KHDRBS2: variants seen among roughly 807,000 people sequenced by gnomAD.
KHDRBS2 encodes KH RNA binding domain containing, signal transduction associated 2.
KHDRBS2 carries 26 observed loss-of-function variants against 44.3 expected under a neutral mutation model. That is an observed-to-expected ratio of 0.59 (90% CI 0.43 to 0.81). The LOEUF is 0.81. KHDRBS2 is among the 40% of genes least tolerant of loss of function. The pLI, the probability that KHDRBS2 is intolerant of heterozygous loss-of-function variation, is 0.00. For synonymous variants in KHDRBS2, 194 were observed against 151.1 expected (o/e 1.28, Z -2.08); for missense variants, 476 against 433.1 (o/e 1.10, Z -0.88).
intron 2 of KHDRBS2, among the ~76,000 whole-genome samples, chr6:62,067,063 C>A (rs75225989): frequency 1.3e-5 from 2 of 151,326 alleles, no homozygotes; most frequent in African/African-American, 4.8e-5. Flanking sequence ...CAACAGCAAA[C>A]TGTTTAGTAT....
At chr6:61,720,775 T>C (rs1406947685) in intron 7 of KHDRBS2, among the ~76,000 whole-genome samples, 2 of 151,596 alleles carry the variant, frequency 1.3e-5, no homozygotes, top group Non-Finnish European at 3.0e-5. Context: ...AGAAGCTCTT[T>C]AGTTTAATTA....
intron 6 of KHDRBS2, among the ~76,000 whole-genome samples, chr6:61,755,958 T>A (rs1331530758): frequency 6.6e-6 from 1 of 152,196 alleles, no homozygotes; most frequent in Admixed American, 6.5e-5. Flanking sequence ...GGTCTTTCAC[T>A]TTTCAGTGAT....
intron 3 of KHDRBS2, among the ~76,000 whole-genome samples, chr6:61,984,118 C>T (rs1250434039): frequency 6.6e-6 from 1 of 152,118 alleles, no homozygotes; most frequent in Non-Finnish European, 1.5e-5. Flanking sequence ...AACACTTGCA[C>T]CTTCCATGCT....
intron 1 of KHDRBS2, among the ~76,000 whole-genome samples, chr6:62,186,889 C>A (rs1290730198): frequency 1.3e-5 from 2 of 151,890 alleles, no homozygotes; most frequent in South Asian, 2.1e-4. Flanking sequence ...TGTAGTCGTC[C>A]CATTTCGGTC....
rs147410348 is a variant in KHDRBS2, at chr6:62,052,512, G to A, written c.220-4518C>T. Reference sequence around the variant, plus strand: ...ATAAAATGTAGGAGATATGTAGGATGAACAAGTCTAGAGACAGAGTGTACA... The same window carrying A: ...ATAAAATGTAGGAGATATGTAGGATAAACAAGTCTAGAGACAGAGTGTACA... On this transcript the variant is annotated intron_variant, in intron 2 of 8. Transcript: ENST00000281156. 4.3e-3 allele frequency among the ~76,000 whole-genome samples: 654 copies of A among 150,590 alleles called. 8 individuals carry two copies. The highest frequency in any genetic ancestry group is 0.015 in the African/African-American group (618 of 41,006).
chr6:61,563,855 T>A, the KHDRBS2 span, among the ~76,000 whole-genome samples: 1,928 of 152,194 alleles, frequency 0.013, 44 homozygotes, highest in African/African-American at 0.045. Context: ...TGTGAAAAAG[T>A]GTTTTGAAGG....
chr6:61,648,216 T>A, the KHDRBS2 span, among the ~76,000 whole-genome samples: 2 of 152,122 alleles, frequency 1.3e-5, no homozygotes, highest in African/African-American at 4.8e-5. Context: ...TTTATGGAAC[T>A]AGGTGCCTTG....
the KHDRBS2 span, among the ~76,000 whole-genome samples, chr6:61,567,863 G>A: frequency 1.3e-5 from 2 of 151,792 alleles, no homozygotes; most frequent in South Asian, 4.2e-4. Context: ...TAGCCTTTTT[G>A]GATGTGAGGG....
the KHDRBS2 span, among the ~76,000 whole-genome samples, chr6:61,661,808 A>T: frequency 0.16 from 23,608 of 151,892 alleles, 2,289 homozygotes; most frequent in South Asian, 0.27. Flanking sequence ...ATATCGTGAA[A>T]ATGGCCATAC....
intron 1 of KHDRBS2, among the ~76,000 whole-genome samples, chr6:62,214,168 C>A (rs566055245): frequency 9.2e-5 from 14 of 152,058 alleles, no homozygotes; most frequent in Admixed American, 6.6e-4. Flanking sequence ...GAAAATCCAT[C>A]CATGGCAAAA....
chr6:62,147,632 A>G (rs1814227846), intron 2 of KHDRBS2, among the ~76,000 whole-genome samples: 1 of 152,006 alleles, frequency 6.6e-6, no homozygotes, highest in Non-Finnish European at 1.5e-5. Context: ...TTAAAATCCT[A>G]GAAATTGCCA....
chr6:61,700,648 C>T (rs1292593002), intron 7 of KHDRBS2, among the ~76,000 whole-genome samples: 1 of 151,506 alleles, frequency 6.6e-6, no homozygotes, highest in Non-Finnish European at 1.5e-5. Flanking sequence ...AGTTAGGACA[C>T]ATGGGATGTG....
At chr6:62,161,063 T>G (rs1214171726) in intron 2 of KHDRBS2, among the ~76,000 whole-genome samples, 1 of 152,118 alleles carries the variant, frequency 6.6e-6, no homozygotes, top group East Asian at 1.9e-4. Context: ...TATATAAGTG[T>G]AATCACACAG....
In KHDRBS2 at chr6:61,929,243, T is replaced by C. The variant is rs72882439; in HGVS notation, c.484-27872A>G. Among the ~76,000 whole-genome samples, 1,285 of 152,280 alleles carry C rather than the reference T, an allele frequency of 8.4e-3. 12 individuals are homozygous for C. Among genetic ancestry groups the C allele is most frequent in the Non-Finnish European group, 0.012 (835 of 68,000 alleles). On this transcript the variant is annotated intron_variant, in intron 4 of 8. Transcript: ENST00000281156. ...GGTTGTGTAATCTTTTAATTTCAAG[T>C]AATTACCAGAAAAAATAACTTTGGA... is the stretch of plus-strand genomic sequence containing the variant.
chr6:61,548,019 A>G, the KHDRBS2 span, among the ~76,000 whole-genome samples: 2 of 152,158 alleles, frequency 1.3e-5, no homozygotes, highest in Non-Finnish European at 2.9e-5. Flanking sequence ...AATATGCACC[A>G]ACTCTGACTG....
intron 2 of KHDRBS2, among the ~76,000 whole-genome samples, chr6:62,131,187 A>T (rs899457822): frequency 6.6e-6 from 1 of 152,192 alleles, no homozygotes; most frequent in Non-Finnish European, 1.5e-5. Flanking sequence ...CACACTTGAG[A>T]ACCTTTGATA....
intron 2 of KHDRBS2, among the ~76,000 whole-genome samples, chr6:62,135,201 A>G (rs1351400841): frequency 6.6e-6 from 1 of 152,112 alleles, no homozygotes; most frequent in East Asian, 1.9e-4. Flanking sequence ...AATTTTCCCC[A>G]TACTGTTCTC....
chr6:61,696,479 A>C (rs994449262), intron 8 of KHDRBS2, among the ~76,000 whole-genome samples: 1 of 149,930 alleles, frequency 6.7e-6, no homozygotes, highest in Non-Finnish European at 1.5e-5. Flanking sequence ...AGATGGTCTC[A>C]CTCTCCTGAT....
At chr6:61,828,175 A>C (rs1791216738) in intron 6 of KHDRBS2, among the ~76,000 whole-genome samples, 1 of 152,172 alleles carries the variant, frequency 6.6e-6, no homozygotes, top group Non-Finnish European at 1.5e-5. Flanking sequence ...TTCTTAACAG[A>C]TATTCATGCT....
Sources: gnomAD v4.1 joint callset for allele counts (sites outside exome capture counted in the v4.1 genomes callset) on GRCh38, gnomAD v4.1.1 for gene constraint, MANE v1.5 for transcripts, NCBI Gene and HGNC (gene_info 2026-07-23, HGNC 2026-07-21) for gene names.